PCDHA5: variants seen among roughly 807,000 people sequenced by gnomAD.
PCDHA5 encodes the protein protocadherin alpha 5.
Under a neutral mutation model 61.6 loss-of-function variants are expected in PCDHA5, and 43 were observed. The observed-to-expected ratio is 0.70, with a 90% CI of 0.55 to 0.90. PCDHA5 has a LOEUF of 0.90. Ranked by LOEUF, PCDHA5 falls within the 40% of genes least tolerant of loss-of-function variation. PCDHA5 has a pLI of 0.00. For missense variants in PCDHA5, 1,298 were observed against 1,222.7 expected (o/e 1.06, Z -0.92); for synonymous variants, 627 against 543.9 (o/e 1.15, Z -2.13).
intron 3 of PCDHA5, among the ~76,000 whole-genome samples, chr5:140,994,916 G>C (rs191112964): frequency 2.0e-5 from 3 of 152,332 alleles, no homozygotes; most frequent in Admixed American, 1.3e-4. Context: ...ACTGGAATCA[G>C]ATTTTGTAGG....
At chr5:140,983,178 A>G (rs1302819191) in intron 3 of PCDHA5, among the ~76,000 whole-genome samples, 2 of 152,158 alleles carry the variant, frequency 1.3e-5, no homozygotes, top group Admixed American at 6.5e-5. Context: ...CCGCCTCACA[A>G]TTTCTTAGTT....
chr5:140,943,129 G>T (rs2093422146), intron 1 of PCDHA5, among the ~76,000 whole-genome samples: 1 of 151,684 alleles, frequency 6.6e-6, no homozygotes, highest in South Asian at 2.1e-4. Flanking sequence ...GTGGTAGTGG[G>T]TGCCTGTAGT....
At chr5:140,923,071 C>T (rs1319984584) in intron 1 of PCDHA5, among the ~76,000 whole-genome samples, 2 of 152,202 alleles carry the variant, frequency 1.3e-5, no homozygotes, top group Non-Finnish European at 2.9e-5. Context: ...TAGGTCTCCT[C>T]ATGTCAGCAC....
At chr5:140,927,527 C>G in intron 1 of PCDHA5, 1 of 1,614,084 alleles carries the variant, frequency 6.2e-7, no homozygotes, top group African/African-American at 1.3e-5. Context: ...GGGCTACCTG[C>G]CCGCTCAGGA....
At position 140,850,247 on chromosome 5, in the gene PCDHA5, G is replaced by T; in HGVS notation, c.2352+26120G>T. On this transcript the variant is annotated intron_variant, in intron 1 of 3. Coordinates refer to ENST00000529859, the MANE Select transcript of PCDHA5 (RefSeq NM_018908.3). ...CAGTGAGCGAGATGGTGCTGCGGTC[G>T]GTGGGCGCCGGCGTAGTGGTGGGGA... is the stretch of plus-strand genomic sequence containing the variant. 10 of 1,593,682 alleles carry T rather than the reference G, an allele frequency of 6.3e-6. 1 individual carries two copies. Among genetic ancestry groups the T allele is most frequent in the Non-Finnish European group, 8.6e-6 (10 of 1,166,960 alleles).
intron 1 of PCDHA5, among the ~76,000 whole-genome samples, chr5:140,941,777 T>C (rs903102270): frequency 6.6e-6 from 1 of 152,262 alleles, no homozygotes; most frequent in Admixed American, 6.5e-5. Context: ...ATTGTTTTAA[T>C]GTTTTACCCA....
chr5:140,856,947 A>T (rs1486886568), intron 1 of PCDHA5: 1 of 1,592,258 alleles, frequency 6.3e-7, no homozygotes. Flanking sequence ...AGGACGGGAG[A>T]AATAAAAGTA....
At chr5:140,901,515 T>C (rs1323018473) in intron 1 of PCDHA5, among the ~76,000 whole-genome samples, 1 of 152,178 alleles carries the variant, frequency 6.6e-6, no homozygotes, top group Non-Finnish European at 1.5e-5. Context: ...ATTATAGATA[T>C]GTGGATTTGT....
intron 1 of PCDHA5, chr5:140,824,865 T>C (rs1306398379): frequency 1.3e-5 from 2 of 152,140 alleles, no homozygotes; most frequent in Non-Finnish European, 1.5e-5. Flanking sequence ...TTCAATTGTA[T>C]TTTTGCAGCA....
rs1422466475 is a variant in PCDHA5 at position 140,877,665 on chromosome 5, G to A, written c.2352+53538G>A. 5.0e-6 allele frequency: 8 copies of A among 1,613,522 alleles called. No homozygotes were observed. In the African/African-American group the frequency reaches 8.0e-5, roughly 16 times the overall value. On this transcript the variant is annotated intron_variant, in intron 1 of 3. Coordinates refer to ENST00000529859, the MANE Select transcript of PCDHA5 (RefSeq NM_018908.3). ...GCTCAGCGCCGCCCACCGTGAGCCGGTGCGCGCCGGGCAAGCCCACGCTGG... is the reference window on the plus strand; with the variant it reads ...GCTCAGCGCCGCCCACCGTGAGCCGATGCGCGCCGGGCAAGCCCACGCTGG...
intron 3 of PCDHA5, among the ~76,000 whole-genome samples, chr5:140,999,693 A>AT (rs202183337): frequency 0.011 from 1,632 of 151,520 alleles, 13 homozygotes; most frequent in Middle Eastern, 0.058. Flanking sequence ...AAGAAATGTG[A>AT]TTTTTTTTTA....
rs1229103510 is a variant in PCDHA5, at chr5:140,850,051, C to T, written c.2352+25924C>T. The T allele has an allele frequency of 6.3e-6, 10 of 1,596,302 alleles. 1 individual carries two copies. The highest frequency in any genetic ancestry group is 7.7e-6 in the Non-Finnish European group (9 of 1,167,790). Reference sequence around the variant, plus strand: ...CACGCGGAGAGCGGCAAGGTGTACGCGCTGCAGCCGTTGGACCACGAGGAG... The same window carrying T: ...CACGCGGAGAGCGGCAAGGTGTACGTGCTGCAGCCGTTGGACCACGAGGAG... On this transcript the variant is annotated intron_variant, in intron 1 of 3. Coordinates refer to ENST00000529859, the MANE Select transcript of PCDHA5 (RefSeq NM_018908.3).
At chr5:140,973,665 T>C (rs1309458037) in intron 1 of PCDHA5, among the ~76,000 whole-genome samples, 2 of 152,248 alleles carry the variant, frequency 1.3e-5, no homozygotes, top group Non-Finnish European at 2.9e-5. Context: ...CTATTTATTG[T>C]AGCTTGAATG....
chr5:140,852,761 C>T (rs17119246), intron 1 of PCDHA5: 72,639 of 982,874 alleles, frequency 0.074, 8,920 homozygotes, highest in African/African-American at 0.25. Flanking sequence ...ACCCAGGTAT[C>T]TGATTATTTG....
chr5:140,851,517 A>T, intron 1 of PCDHA5: 3 of 904,862 alleles, frequency 3.3e-6, no homozygotes, highest in Non-Finnish European at 4.0e-6. Context: ...AATATGTTTT[A>T]AAATGCCTGA....
Position 140,833,090 on chromosome 5 carries a change from A to G in PCDHA5, c.2352+8963A>G, listed in dbSNP as rs1008615900. 1.8e-4 allele frequency among the ~76,000 whole-genome samples: 27 copies of G among 152,328 alleles called. No homozygotes were observed. In the East Asian group the frequency reaches 5.2e-3, roughly 29 times the overall value. On this transcript the variant is annotated intron_variant, in intron 1 of 3. Coordinates refer to ENST00000529859, the MANE Select transcript of PCDHA5 (RefSeq NM_018908.3). ...CCTTTTGTATAACTTTGAGTACTAG[A>G]CGAGTAATTTTGACACTCTTCAAAG...
intron 1 of PCDHA5, among the ~76,000 whole-genome samples, chr5:140,962,378 G>A (rs184607177): frequency 2.1e-3 from 316 of 152,286 alleles, no homozygotes; most frequent in African/African-American, 7.3e-3. Context: ...GATTTTATCT[G>A]TTAATATTAC....
At chr5:140,876,750 T>C (rs2056553251) in intron 1 of PCDHA5, 7 of 1,614,238 alleles carry the variant, frequency 4.3e-6, no homozygotes, top group African/African-American at 1.3e-5. Flanking sequence ...TGGTGGTGAC[T>C]GCGCGGGATG....
intron 1 of PCDHA5, chr5:140,969,336 GA>G: frequency 2.5e-6 from 4 of 1,613,996 alleles, no homozygotes; most frequent in Non-Finnish European, 3.4e-6. Context: ...AATGAGGTGA[GA>G]CAGTGGTCAG....
Sources: allele counts gnomAD v4.1 joint callset (sites outside exome capture counted in the v4.1 genomes callset), GRCh38; gene constraint gnomAD v4.1.1; transcripts MANE v1.5; gene names NCBI Gene and HGNC (gene_info 2026-07-23, HGNC 2026-07-21).